The following ARMC3 variants were observed in gnomAD, a reference collection of about 807,000 sequenced individuals.
ARMC3 encodes armadillo repeat containing 3, also known as armadillo repeat-containing protein 3.
ARMC3 carries 74 observed loss-of-function variants against 90.3 expected under a neutral mutation model. That is an observed-to-expected ratio of 0.82 (90% CI 0.68 to 0.99). The LOEUF (loss-of-function observed/expected upper bound fraction) is 0.99, where lower values mean the gene tolerates loss of function less well. Among genes scored for constraint, ARMC3 ranks in the 50% least tolerant of loss-of-function variants. The pLI is 0.00. For synonymous variants in ARMC3, 334 were observed against 361.8 expected (o/e 0.92, Z 0.87); for missense variants, 958 against 1,042.8 (o/e 0.92, Z 1.12).
chr10:22,957,388 T>C (rs951906321), intron 4 of ARMC3, among the ~76,000 whole-genome samples: 7 of 152,156 alleles, frequency 4.6e-5, no homozygotes, highest in African/African-American at 1.7e-4. Context: ...GCTGCAGTGC[T>C]GGAAGCAGAT....
intron 16 of ARMC3, among the ~76,000 whole-genome samples, chr10:23,013,828 A>G (rs916521117): frequency 1.3e-5 from 2 of 150,862 alleles, no homozygotes; most frequent in African/African-American, 4.9e-5. Context: ...TTACTGAACA[A>G]TGAGCTGTTT....
chr10:22,984,505 A>C (rs1836324140), intron 10 of ARMC3, among the ~76,000 whole-genome samples: 2 of 152,138 alleles, frequency 1.3e-5, no homozygotes, highest in Admixed American at 1.3e-4. Flanking sequence ...AGAATTTTAT[A>C]ATCTTTATGT....
chr10:22,994,057 G>A (rs777898479), intron 10 of ARMC3, among the ~76,000 whole-genome samples: 4 of 152,186 alleles, frequency 2.6e-5, no homozygotes, highest in Non-Finnish European at 5.9e-5. Flanking sequence ...ATTTATGCCA[G>A]AACATCATAT....
intron 15 of ARMC3, 138 bp downstream of exon 15, chr10:23,008,512 A>G: frequency 1.6e-6 from 1 of 644,756 alleles, no homozygotes; most frequent in Non-Finnish European, 2.7e-6. Flanking sequence ...TGCCTTTTAC[A>G]TTGCTATGGG....
intron 10 of ARMC3, among the ~76,000 whole-genome samples, chr10:22,990,963 C>T (rs191771320): frequency 1.3e-5 from 2 of 152,096 alleles, no homozygotes; most frequent in African/African-American, 4.8e-5. Flanking sequence ...CCCTAGTCTC[C>T]CTTCTCCCCC....
chr10:22,948,229 A>G (rs922441479), intron 3 of ARMC3, among the ~76,000 whole-genome samples: 3 of 152,194 alleles, frequency 2.0e-5, no homozygotes, highest in Non-Finnish European at 4.4e-5. Flanking sequence ...TGGATGGTGT[A>G]GAATCCTGGG....
intron 15 of ARMC3, among the ~76,000 whole-genome samples, 170 bp from the exon 16 acceptor site, chr10:23,008,645 G>A (rs892655065): frequency 6.6e-6 from 1 of 152,156 alleles, no homozygotes; most frequent in African/African-American, 2.4e-5. Context: ...AGCTGTGGAC[G>A]AAATAACACC....
intron 8 of ARMC3, among the ~76,000 whole-genome samples, chr10:22,973,753 CTTTTTTTTTT>C (rs56405413): frequency 1.0e-4 from 8 of 79,926 alleles, no homozygotes; most frequent in African/African-American, 4.5e-4. Context: ...CTTTGTCTTT[CTTTTTTTTTT>C]TTTTTTTTTT....
intron 14 of ARMC3, 56 bp from the exon 15 acceptor site, chr10:23,008,220 C>A: frequency 1.1e-6 from 1 of 902,048 alleles, no homozygotes. Context: ...GGAATAAAAC[C>A]ATCTGTTGAC....
At chr10:22,943,996 C>T (rs1420072730) in intron 2 of ARMC3, among the ~76,000 whole-genome samples, 3 of 151,952 alleles carry the variant, frequency 2.0e-5, no homozygotes, top group Non-Finnish European at 4.4e-5. Context: ...AGCTAAACAG[C>T]AAAATACATT....
At chr10:22,935,857 G>T (rs1265770533) in intron 2 of ARMC3, among the ~76,000 whole-genome samples, 1 of 152,078 alleles carries the variant, frequency 6.6e-6, no homozygotes, top group African/African-American at 2.4e-5. Flanking sequence ...CGGATGTCTA[G>T]ATATTCTCTA....
At chr10:22,961,171 G>A (rs1437194585) in intron 6 of ARMC3, 3 of 152,186 alleles carry the variant, frequency 2.0e-5, no homozygotes, top group South Asian at 4.1e-4. Context: ...ATGGACAGGG[G>A]AAAGCTAAGC....
chr10:22,953,437 T>A (rs1036232084), intron 3 of ARMC3, among the ~76,000 whole-genome samples: 7 of 152,266 alleles, frequency 4.6e-5, no homozygotes, highest in African/African-American at 1.4e-4. Flanking sequence ...CATATGATCA[T>A]CTTAATACAT....
At chr10:22,966,070 T>G (rs1835425297) in intron 7 of ARMC3, among the ~76,000 whole-genome samples, 1 of 152,258 alleles carries the variant, frequency 6.6e-6, no homozygotes, top group South Asian at 2.1e-4. Context: ...GATTCTGTTG[T>G]GTCCTTCTGA....
In ARMC3 at chr10:22,998,298, T is replaced by C. The variant is rs1285163212; in HGVS notation, c.1326T>C (p.His442=). 1 of 1,612,778 alleles carries C rather than the reference T, an allele frequency of 6.2e-7. No individual in the cohort carries two copies. Among genetic ancestry groups the C allele is most frequent in the Non-Finnish European group, 8.5e-7 (1 of 1,179,392 alleles). ...ACATACAGAATCACGACATCATGCA[T>C]GCCATCATCAGCCCACTGCGTTCTG... ...RLNIQNHDIM[H]AIISPLRSAN... The change falls in exon 11 of 19, where the codon CAT becomes CAC. Residue 442 remains histidine, a synonymous_variant. Transcript: ENST00000298032.
At chr10:22,938,585 G>A (rs1834203362) in intron 2 of ARMC3, among the ~76,000 whole-genome samples, 2 of 152,146 alleles carry the variant, frequency 1.3e-5, no homozygotes, top group African/African-American at 4.8e-5. Flanking sequence ...ATGAGATGTG[G>A]CCAGAGTGAG....
At chr10:22,991,463 T>C (rs1332714752) in intron 10 of ARMC3, among the ~76,000 whole-genome samples, 2 of 152,058 alleles carry the variant, frequency 1.3e-5, no homozygotes, top group Admixed American at 6.5e-5. Context: ...TTTGTTTTGT[T>C]TTAGGTTTTT....
chr10:22,928,722 ACAAT>A (rs1471597841), intron 1 of ARMC3, among the ~76,000 whole-genome samples: 1 of 152,228 alleles, frequency 6.6e-6, no homozygotes, highest in South Asian at 2.1e-4. Context: ...ACAAATTTCA[ACAAT>A]CAGAGACTGG....
At position 22,981,611 on chromosome 10, in the gene ARMC3, T is replaced by G. The variant is rs896750839; in HGVS notation, c.1086T>G (p.Ile362Met). The G allele has an allele frequency of 1.2e-6, 2 of 1,614,092 alleles. No individual in the cohort carries two copies. The highest frequency in any genetic ancestry group is 2.7e-5 in the African/African-American group (2 of 75,034). The change falls in exon 10 of 19, where the codon ATT (isoleucine) becomes ATG (methionine). Residue 362 changes from isoleucine (I) to methionine (M), a missense_variant. Ile to Met is a conservative substitution (Grantham distance 10). Coordinates refer to ENST00000298032, the MANE Select transcript of ARMC3 (RefSeq NM_173081.5). Reference protein sequence around the residue: ...FFNNQGIPQLIQLLKSDNEEV... With the variant: ...FFNNQGIPQLMQLLKSDNEEV... ...TTTCTGTAGGGATTCCACAGTTAAT[T>G]CAGTTGCTAAAAAGTGACAATGAAG...
Sources: allele counts gnomAD v4.1 joint callset (sites outside exome capture counted in the v4.1 genomes callset), GRCh38; gene constraint gnomAD v4.1.1; transcripts MANE v1.5; gene names NCBI Gene and HGNC (gene_info 2026-07-23, HGNC 2026-07-21).